The following VEPH1 variants were observed in gnomAD, a reference collection of about 807,000 sequenced individuals.
VEPH1 encodes the protein ventricular zone-expressed PH domain-containing protein homolog 1.
Under a neutral mutation model 85.2 loss-of-function variants are expected in VEPH1, and 80 were observed. The observed-to-expected ratio is 0.94, with a 90% confidence interval of 0.78 to 1.13. The LOEUF (loss-of-function observed/expected upper bound fraction) is 1.13, where lower values mean the gene tolerates loss of function less well. Ranked by LOEUF, VEPH1 falls within the 50% of genes most tolerant of loss-of-function variation. The probability of loss-of-function intolerance (pLI) is 0.00; values close to 1 mark genes in which losing one functional copy is unlikely to be tolerated. For missense variants in VEPH1, 955 were observed against 980.5 expected (o/e 0.97, Z 0.35); for synonymous variants, 297 against 348.0 (o/e 0.85, Z 1.63).
At chr3:157,396,274 T>G (rs1730372341) in intron 6 of VEPH1, among the ~76,000 whole-genome samples, 1 of 152,318 alleles carries the variant, frequency 6.6e-6, no homozygotes, top group East Asian at 1.9e-4. Flanking sequence ...ATGATCTCAT[T>G]CCTTTTTATG....
intron 4 of VEPH1, among the ~76,000 whole-genome samples, chr3:157,447,839 C>T (rs1273576330): frequency 6.6e-6 from 1 of 152,076 alleles, no homozygotes; most frequent in African/African-American, 2.4e-5. Context: ...AAGTGATCTG[C>T]CCATCTCAGC....
At chr3:157,369,146 A>C (rs1420544113) in intron 7 of VEPH1, among the ~76,000 whole-genome samples, 1 of 148,624 alleles carries the variant, frequency 6.7e-6, no homozygotes, top group African/African-American at 2.5e-5. Flanking sequence ...AAAACAAAAC[A>C]AACAAATAAC....
At chr3:157,367,871 T>A (rs1197999810) in intron 7 of VEPH1, among the ~76,000 whole-genome samples, 1 of 152,194 alleles carries the variant, frequency 6.6e-6, no homozygotes, top group Admixed American at 6.5e-5. Flanking sequence ...CATGAATTTA[T>A]AATTTTTTTC....
chr3:157,343,903 A>G (rs569228157), intron 9 of VEPH1, among the ~76,000 whole-genome samples: 2 of 152,348 alleles, frequency 1.3e-5, no homozygotes, highest in South Asian at 4.1e-4. Context: ...AATCCAGAAT[A>G]TAAACAGAAC....
intron 11 of VEPH1, among the ~76,000 whole-genome samples, chr3:157,313,234 A>T (rs1342090762): frequency 6.6e-6 from 1 of 151,678 alleles, no homozygotes; most frequent in African/African-American, 2.4e-5. Flanking sequence ...GAGTCTTGCC[A>T]TGATGTTCAG....
chr3:157,450,093 T>C (rs1734852072), intron 4 of VEPH1, among the ~76,000 whole-genome samples: 2 of 144,574 alleles, frequency 1.4e-5, no homozygotes. Context: ...GCTTGTTCTG[T>C]CACCCATGCT....
chr3:157,454,118 T>A (rs1005588612), intron 4 of VEPH1, among the ~76,000 whole-genome samples: 1 of 152,152 alleles, frequency 6.6e-6, no homozygotes, highest in East Asian at 1.9e-4. Context: ...GGTTTTAAAA[T>A]GTGTGGTGTG....
chr3:157,402,489 A>T (rs1194079695), intron 6 of VEPH1, among the ~76,000 whole-genome samples: 2 of 152,286 alleles, frequency 1.3e-5, no homozygotes, highest in East Asian at 3.9e-4. Flanking sequence ...TGTAGACAGG[A>T]GTAGGAGTTT....
chr3:157,466,387 T>C (rs1029783362), intron 3 of VEPH1, among the ~76,000 whole-genome samples: 1 of 152,146 alleles, frequency 6.6e-6, no homozygotes, highest in African/African-American at 2.4e-5. Context: ...CCACCACCAA[T>C]TGGAAGTACT....
intron 12 of VEPH1, among the ~76,000 whole-genome samples, chr3:157,274,482 T>C (rs573798200): frequency 6.6e-6 from 1 of 152,236 alleles, no homozygotes; most frequent in South Asian, 2.1e-4. Context: ...GAAGGTGAAC[T>C]CTCTGTCTCT....
intron 4 of VEPH1, among the ~76,000 whole-genome samples, chr3:157,453,999 GA>G (rs34735085): frequency 6.6e-6 from 1 of 152,108 alleles, no homozygotes; most frequent in East Asian, 1.9e-4. Context: ...CATTGTCATC[GA>G]AAAAGCATTT....
intron 11 of VEPH1, among the ~76,000 whole-genome samples, chr3:157,292,749 G>A (rs529860154): frequency 7.3e-5 from 11 of 150,028 alleles, no homozygotes; most frequent in South Asian, 2.1e-4. Flanking sequence ...TTTGGGAGGC[G>A]GAGGTGGGTG....
At chr3:157,467,830 A>G (rs1001305249) in intron 3 of VEPH1, among the ~76,000 whole-genome samples, 3 of 152,180 alleles carry the variant, frequency 2.0e-5, no homozygotes, top group African/African-American at 7.2e-5. Context: ...TCGCTTCCCA[A>G]AATATCAACC....
At chr3:157,319,526 G>A (rs2108543335) in intron 9 of VEPH1, among the ~76,000 whole-genome samples, 1 of 152,262 alleles carries the variant, frequency 6.6e-6, no homozygotes, top group Middle Eastern at 3.4e-3. Flanking sequence ...ATTATCTCAA[G>A]AGCACATACA....
intron 6 of VEPH1, among the ~76,000 whole-genome samples, chr3:157,401,896 G>A (rs1730817605): frequency 6.6e-6 from 1 of 152,118 alleles, no homozygotes; most frequent in African/African-American, 2.4e-5. Flanking sequence ...GTCTGCAGAA[G>A]AAAAAGTCCG....
intron 1 of VEPH1, among the ~76,000 whole-genome samples, chr3:157,497,063 A>C (rs917964373): frequency 1.3e-5 from 2 of 152,176 alleles, no homozygotes; most frequent in African/African-American, 4.8e-5. Flanking sequence ...ATGCAGCTAC[A>C]AAACTGGAGA....
chr3:157,369,180 GAA>G lies in VEPH1; in HGVS notation c.1128-4670_1128-4669del, dbSNP rs58451868. On this transcript the variant is annotated intron_variant, in intron 7 of 13. Transcript: ENST00000362010. ...ACAACAACAACAACAAAAACCAAAT[GAA>G]AAAAAAAAAAAAAAAAAAAAAACCT... 4.2e-3 allele frequency among the ~76,000 whole-genome samples: 181 copies of G among 42,758 alleles called. 1 individual carries two copies. The highest frequency in any genetic ancestry group is 0.013 in the African/African-American group (153 of 11,878). The allele number at this position is 42,758 out of a possible 152,430, so 28.1% of individuals were successfully genotyped here.
intron 1 of VEPH1, among the ~76,000 whole-genome samples, chr3:157,501,679 G>A (rs901353848): frequency 6.6e-6 from 1 of 152,052 alleles, no homozygotes; most frequent in African/African-American, 2.4e-5. Context: ...GAAACTCTTG[G>A]GGGAGATTTC....
intron 9 of VEPH1, among the ~76,000 whole-genome samples, chr3:157,351,151 AGGT>A (rs375500843): frequency 2.6e-5 from 4 of 152,270 alleles, no homozygotes; most frequent in African/African-American, 9.6e-5. Context: ...GATAAAGAAA[AGGT>A]GGTATATATG....
Sources: allele counts gnomAD v4.1 joint callset (sites outside exome capture counted in the v4.1 genomes callset), GRCh38; gene constraint gnomAD v4.1.1; transcripts MANE v1.5; gene names NCBI Gene and HGNC (gene_info 2026-07-23, HGNC 2026-07-21).